The following ERC2 variants were observed in gnomAD, a reference collection of about 807,000 sequenced individuals.
ERC2 encodes ERC protein 2.
ERC2 carries 42 observed loss-of-function variants against 114.8 expected under a neutral mutation model. The ratio of observed to expected loss-of-function variants is 0.37; its 90% CI spans 0.29 to 0.47. The LOEUF is 0.47. Among genes scored for constraint, ERC2 ranks in the 20% least tolerant of loss-of-function variants. ERC2 has a pLI of 0.99. For synonymous variants in ERC2, 454 were observed against 425.5 expected (o/e 1.07, Z -0.82); for missense variants, 939 against 1,150.7 (o/e 0.82, Z 2.66).
chr3:56,112,640 C>T (rs760983242), intron 6 of ERC2, among the ~76,000 whole-genome samples: 2 of 152,018 alleles, frequency 1.3e-5, no homozygotes, highest in African/African-American at 4.8e-5. Context: ...TTTTAAAATT[C>T]GTAAGTTCAG....
intron 2 of ERC2, among the ~76,000 whole-genome samples, chr3:56,364,057 A>G (rs2059063329): frequency 1.3e-5 from 2 of 152,256 alleles, no homozygotes; most frequent in African/African-American, 4.8e-5. Flanking sequence ...AACCAAGTTC[A>G]TTCTCATAAT....
intron 2 of ERC2, among the ~76,000 whole-genome samples, chr3:56,358,280 C>G (rs2058820095): frequency 6.6e-6 from 1 of 152,186 alleles, no homozygotes; most frequent in Non-Finnish European, 1.5e-5. Context: ...CCATCCTCCT[C>G]TCTTTCCTCT....
chr3:55,599,289 C>T (rs1208543196), intron 17 of ERC2, among the ~76,000 whole-genome samples: 1 of 152,146 alleles, frequency 6.6e-6, no homozygotes, highest in Non-Finnish European at 1.5e-5. Context: ...TCCACGTCCC[C>T]TGCAACACAT....
intron 16 of ERC2, among the ~76,000 whole-genome samples, chr3:55,686,918 G>A (rs942339197): frequency 3.3e-5 from 5 of 152,122 alleles, no homozygotes; most frequent in African/African-American, 1.2e-4. Context: ...TCTGGGGATG[G>A]GAACATCCAA....
chr3:55,823,330 G>A (rs938329211), intron 14 of ERC2, among the ~76,000 whole-genome samples: 3 of 152,098 alleles, frequency 2.0e-5, no homozygotes, highest in Admixed American at 6.5e-5. Context: ...CCTCCCAGAG[G>A]GAGTACATTT....
intron 15 of ERC2, among the ~76,000 whole-genome samples, chr3:55,724,309 G>C (rs942317271): frequency 6.6e-6 from 1 of 152,182 alleles, no homozygotes; most frequent in African/African-American, 2.4e-5. Context: ...GGCGAGAAGG[G>C]TCAGGAGGGG....
At chr3:55,896,528 A>C (rs1278152173) in intron 13 of ERC2, among the ~76,000 whole-genome samples, 1 of 152,256 alleles carries the variant, frequency 6.6e-6, no homozygotes, top group Non-Finnish European at 1.5e-5. Flanking sequence ...TTAGAAGTAC[A>C]TCTATTAGTA....
At chr3:56,467,839 C>A (rs913028917) in intron 1 of ERC2, among the ~76,000 whole-genome samples, 6 of 151,736 alleles carry the variant, frequency 4.0e-5, no homozygotes, top group Non-Finnish European at 8.8e-5. Flanking sequence ...GCTCAAGACC[C>A]CCGACCCCGC....
At chr3:56,405,674 G>C (rs2060690621) in intron 2 of ERC2, among the ~76,000 whole-genome samples, 1 of 152,102 alleles carries the variant, frequency 6.6e-6, no homozygotes. Flanking sequence ...TAGATAGATA[G>C]ATGAAGAAAT....
At chr3:55,756,925 A>G (rs1247347640) in intron 14 of ERC2, among the ~76,000 whole-genome samples, 1 of 151,762 alleles carries the variant, frequency 6.6e-6, no homozygotes, top group Middle Eastern at 3.2e-3. Flanking sequence ...TGCAAAGAAG[A>G]AAAAAAAAGT....
chr3:55,541,772 A>T (rs2054410660), intron 17 of ERC2, among the ~76,000 whole-genome samples: 1 of 152,164 alleles, frequency 6.6e-6, no homozygotes, highest in South Asian at 2.1e-4. Flanking sequence ...CTGTCATGAG[A>T]CTCCAGATAG....
intron 3 of ERC2, among the ~76,000 whole-genome samples, chr3:56,260,108 C>T (rs2052814065): frequency 6.6e-6 from 1 of 152,202 alleles, no homozygotes; most frequent in South Asian, 2.1e-4. Context: ...CCCTGCCCCA[C>T]TTCTCATTCC....
intron 3 of ERC2, among the ~76,000 whole-genome samples, chr3:56,206,506 C>G (rs1457309941): frequency 6.6e-6 from 1 of 152,178 alleles, no homozygotes; most frequent in African/African-American, 2.4e-5. Flanking sequence ...ATTGTACTTT[C>G]AGGATGCATT....
At chr3:55,641,189 T>A (rs1283936449) in intron 17 of ERC2, among the ~76,000 whole-genome samples, 1 of 152,170 alleles carries the variant, frequency 6.6e-6, no homozygotes, top group Non-Finnish European at 1.5e-5. Flanking sequence ...AGAGACCCAA[T>A]GCCATTGTTT....
intron 2 of ERC2, among the ~76,000 whole-genome samples, chr3:56,407,434 G>GT (rs547566679): frequency 7.5e-4 from 114 of 152,252 alleles, no homozygotes; most frequent in African/African-American, 2.6e-3. Context: ...ACCACAGAGG[G>GT]TATTTCTTAT....
At chr3:56,245,435 G>GAT (rs1428943308) in intron 3 of ERC2, among the ~76,000 whole-genome samples, 2 of 152,014 alleles carry the variant, frequency 1.3e-5, no homozygotes, top group Non-Finnish European at 2.9e-5. Flanking sequence ...ATGGATTAGA[G>GAT]ATCATTTCCA....
At chr3:56,199,658 C>T (rs942281388) in intron 3 of ERC2, among the ~76,000 whole-genome samples, 1 of 152,088 alleles carries the variant, frequency 6.6e-6, no homozygotes, top group Non-Finnish European at 1.5e-5. Flanking sequence ...CAGATGCATA[C>T]CACCACACCT....
At chr3:56,058,905 T>C (rs1490592302) in intron 7 of ERC2, among the ~76,000 whole-genome samples, 2 of 152,116 alleles carry the variant, frequency 1.3e-5, no homozygotes, top group Non-Finnish European at 2.9e-5. Context: ...TCTGTCTCTC[T>C]GGAGAACCCT....
At chr3:56,197,147 C>T (rs184976997) in intron 3 of ERC2, among the ~76,000 whole-genome samples, 134 of 152,188 alleles carry the variant, frequency 8.8e-4, no homozygotes, top group African/African-American at 3.1e-3. Flanking sequence ...GATGGAAAGC[C>T]CCAGCTCTGC....
Sources: gnomAD v4.1 joint callset for allele counts (sites outside exome capture counted in the v4.1 genomes callset) on GRCh38, gnomAD v4.1.1 for gene constraint, MANE v1.5 for transcripts, NCBI Gene and HGNC (gene_info 2026-07-23, HGNC 2026-07-21) for gene names.